The following RNF40 variants were observed in gnomAD, a reference collection of about 807,000 sequenced individuals.
RNF40 encodes the protein E3 ubiquitin-protein ligase BRE1B.
Under a neutral mutation model 123.3 loss-of-function variants are expected in RNF40, and 39 were observed. That is an observed-to-expected ratio of 0.32 (90% CI 0.24 to 0.41). The LOEUF is 0.41. RNF40 is among the 10% of genes least tolerant of loss of function. The pLI is 1.00. For missense variants in RNF40, 1,003 were observed against 1,319.9 expected (o/e 0.76, Z 3.72); for synonymous variants, 538 against 526.0 (o/e 1.02, Z -0.31).
At chr16:30,772,823 T>C (rs2054171153) in intron 19 of RNF40, among the ~76,000 whole-genome samples, 1 of 152,182 alleles carries the variant, frequency 6.6e-6, no homozygotes, top group Non-Finnish European at 1.5e-5. Flanking sequence ...GGTTTTGGGC[T>C]GGAAGAGGTA....
At position 30,763,517 on chromosome 16, in the gene RNF40, G is replaced by T. The variant is rs1367341305; in HGVS notation, c.400G>T (p.Asp134Tyr). Residue 134 changes from aspartate (D) to tyrosine (Y), a missense_variant, in exon 4 of 20, where the codon GAT (aspartate) becomes TAT (tyrosine). Transcript: ENST00000324685. The part of the protein sequence containing the change: ...APGTQEGPTC[D>Y]GTPLPEPGTS... ...TGGGACCCAGGAGGGGCCAACATGT[G>T]ATGGGACTCCTCTCCCAGAGCCGGG... 7.4e-6 allele frequency: 12 copies of T among 1,614,162 alleles called. No individual in the cohort carries two copies. Among genetic ancestry groups the T allele is most frequent in the Non-Finnish European group, 1.0e-5 (12 of 1,180,042 alleles).
chr16:30,763,594 G>T (rs1033932767), intron 4 of RNF40, 35 bp downstream of exon 4: 4 of 1,611,224 alleles, frequency 2.5e-6, no homozygotes, highest in Admixed American at 3.4e-5. Flanking sequence ...GGGAGCTTAA[G>T]TTCTGGGAGA....
Position 30,774,110 on chromosome 16 carries a change from G to C in RNF40, c.3002G>C (p.Ser1001Thr). The C allele has an allele frequency of 1.2e-6, 2 of 1,611,928 alleles. No homozygotes were observed. Among genetic ancestry groups the C allele is most frequent in the Non-Finnish European group, 1.7e-6 (2 of 1,178,400 alleles). Residue 1001 changes from serine to threonine, a missense_variant, in exon 20 of 20, where the codon AGC (serine) becomes ACC (threonine). Coordinates refer to ENST00000324685, the MANE Select transcript of RNF40 (RefSeq NM_014771.4). ...GAHDFHRIYI[S>T] ...CACGACTTCCATCGTATCTACATCA[G>C]CTGAACCTGAAACTCAGGGGACTCT...
In RNF40 at chr16:30,766,122, G is replaced by A. The variant is rs373336746; in HGVS notation, c.994-41G>A. ...GGATGTAAGGGAGGCCTGCTGCCAC[G>A]TCTGGCCCTGCCTCCCATGGCCCTG... On this transcript the variant is annotated intron_variant, in intron 8 of 19. Coordinates refer to ENST00000324685, the MANE Select transcript of RNF40 (RefSeq NM_014771.4). The surrounding 1 kb of genome is among the most constrained non-coding windows in gnomAD (Gnocchi z 5.4). 1.4e-4 allele frequency: 222 copies of A among 1,612,512 alleles called. No individual in the cohort carries two copies. Among genetic ancestry groups the A allele is most frequent in the Middle Eastern group, 1.2e-3 (7 of 6,058 alleles).
intron 17 of RNF40, among the ~76,000 whole-genome samples, chr16:30,770,707 G>A (rs1468609828): frequency 6.6e-6 from 1 of 152,080 alleles, no homozygotes; most frequent in African/African-American, 2.4e-5. Context: ...GTATGTTTGT[G>A]GTTTTTTTGT....
At chr16:30,764,821 T>C in intron 5 of RNF40, 117 bp from the exon 6 acceptor site, 1 of 1,429,536 alleles carries the variant, frequency 7.0e-7, no homozygotes, top group Non-Finnish European at 9.4e-7. Context: ...GGCTTTGTCA[T>C]GAGAAATGGG....
Position 30,766,215 on chromosome 16 carries a change from G to A in RNF40, c.1046G>A (p.Arg349His), listed in dbSNP as rs200311831. The A allele has an allele frequency of 9.1e-5, 147 of 1,614,082 alleles. No individual in the cohort carries two copies. The highest frequency in any genetic ancestry group is 2.0e-4 in the East Asian group (9 of 44,900). The stretch of plus-strand genomic sequence containing the variant: ...GAAAACCAGGAACTGGCCAACAGCC[G>A]TATGGCAGAGCTGGAGAAACTGCAG... ...LEENQELANS[R>H]MAELEKLQAE... is the part of the protein sequence containing the mutation. The change falls in exon 9 of 20, where the codon CGT becomes CAT. Residue 349 changes from arginine to histidine, a missense_variant. Arg to His is a conservative substitution (Grantham distance 29). Around this residue, in one of 11 missense-constraint regions of RNF40, gnomAD observed 274 missense variants for 356.9 expected, o/e 0.77. Coordinates refer to ENST00000324685, the MANE Select transcript of RNF40 (RefSeq NM_014771.4). This position sits in a 1 kb window ranked among gnomAD's most constrained non-coding sequence, Gnocchi z 5.4.
Position 30,763,426 on chromosome 16 carries a change from A to G in RNF40, c.309A>G (p.Glu103=). ...IVNRYWAQLD[E]TVEALLRCHE... ...ATGTTTTCTCCTTCCAGCTGGATGA[A>G]ACTGTGGAAGCCCTTCTCCGATGCC... is the stretch of plus-strand genomic sequence containing the variant. Residue 103 remains glutamate, a synonymous_variant, in exon 4 of 20, where the codon GAA becomes GAG. Coordinates refer to ENST00000324685, the MANE Select transcript of RNF40 (RefSeq NM_014771.4). 1 of 1,605,512 alleles carries G rather than the reference A, an allele frequency of 6.2e-7. No homozygotes were observed. The highest frequency in any genetic ancestry group is 8.5e-7 in the Non-Finnish European group (1 of 1,175,858).
Position 30,769,520 on chromosome 16 carries a change from C to A in RNF40, c.2506C>A (p.Arg836=). 6.2e-7 allele frequency: 1 copy of A among 1,613,110 alleles called. No individual in the cohort carries two copies. The highest frequency in any genetic ancestry group is 1.7e-5 in the Admixed American group (1 of 59,964). ...TGTGCAGAAGCTAGAGGAGAAGGAG[C>A]GAGCCTTGCAGGGCAGCCTCGGGGG... is the stretch of plus-strand genomic sequence containing the variant. The part of the protein sequence containing the change: ...LTVQKLEEKE[R]ALQGSLGGVE... Residue 836 remains arginine (R), a synonymous_variant, in exon 17 of 20, where the codon CGA becomes AGA. Coordinates refer to ENST00000324685, the MANE Select transcript of RNF40 (RefSeq NM_014771.4).
Position 30,768,677 on chromosome 16 carries a change from C to G in RNF40, c.2038C>G (p.Pro680Ala), listed in dbSNP as rs1164211610. 1 of 1,614,192 alleles carries G rather than the reference C, an allele frequency of 6.2e-7. No homozygotes were observed. The highest frequency in any genetic ancestry group is 8.5e-7 in the Non-Finnish European group (1 of 1,180,042). ...KLLLDMYKSA[P>A]KEQRDKVQLM... ...GCTGCTGGATATGTACAAGTCAGCG[C>G]CCAAGGAGCAGCGGGATAAGGTGCA... is the stretch of plus-strand genomic sequence containing the variant. Residue 680 changes from proline to alanine, a missense_variant, in exon 14 of 20, where the codon CCC (proline) becomes GCC (alanine). Pro to Ala is a conservative substitution (Grantham distance 27). Around this residue, in one of 11 missense-constraint regions of RNF40, gnomAD observed 295 missense variants for 331.7 expected, o/e 0.89. Coordinates refer to ENST00000324685, the MANE Select transcript of RNF40 (RefSeq NM_014771.4). The surrounding 1 kb of genome is among the most constrained non-coding windows in gnomAD (Gnocchi z 4.1).
In RNF40 at chr16:30,766,889, G is replaced by C; in HGVS notation, c.1429+13G>C. On this transcript the variant is annotated intron_variant, in intron 11 of 19. Transcript: ENST00000324685. This position sits in a 1 kb window ranked among gnomAD's most constrained non-coding sequence, Gnocchi z 5.4. ...AACGAGCAGGCGGGTATGTGGTGAG[G>C]ATAGGGCGGAGGTGGGGCCTTATCT... The C allele has an allele frequency of 1.2e-6, 2 of 1,611,798 alleles. No individual in the cohort carries two copies. The highest frequency in any genetic ancestry group is 8.5e-7 in the Non-Finnish European group (1 of 1,179,502).
upstream of RNF40, chr16:30,762,274 C>T: frequency 2.3e-6 from 1 of 436,910 alleles, no homozygotes; most frequent in South Asian, 3.8e-5. Flanking sequence ...CCCTGCGCAC[C>T]GTTGGGGGGG....
chr16:30,768,931 C>A lies in RNF40; in HGVS notation c.2191C>A (p.Arg731=). The A allele has an allele frequency of 6.2e-7, 1 of 1,614,156 alleles. No individual in the cohort carries two copies. Among genetic ancestry groups the A allele is most frequent in the South Asian group, 1.1e-5 (1 of 91,090 alleles). ...IADEDALRRI[R]QAEEQIEHLQ... ...GGATGAGGATGCCCTGCGGCGCATT[C>A]GGCAGGCAGAGGAGCAGATAGAACA... is the stretch of plus-strand genomic sequence containing the variant. Residue 731 remains arginine (R), a synonymous_variant, in exon 15 of 20, where the codon CGG becomes AGG. Coordinates refer to ENST00000324685, the MANE Select transcript of RNF40 (RefSeq NM_014771.4). This position sits in a 1 kb window ranked among gnomAD's most constrained non-coding sequence, Gnocchi z 4.1.
upstream of RNF40, chr16:30,761,652 T>C (rs897056156): frequency 6.5e-7 from 1 of 1,535,836 alleles, no homozygotes; most frequent in African/African-American, 1.4e-5. Flanking sequence ...TGCACTGAGC[T>C]GCGATCCTTC....
In RNF40 at chr16:30,765,491, A is replaced by G; in HGVS notation, c.985A>G (p.Met329Val). 1 of 1,614,058 alleles carries G rather than the reference A, an allele frequency of 6.2e-7. No individual in the cohort carries two copies. Among genetic ancestry groups the G allele is most frequent in the Non-Finnish European group, 8.5e-7 (1 of 1,179,996 alleles). ...CCAGGGGGGCCAGATCACACTCAGCATGCAGAAGGTGAGCGGCGTTTTCCT... is the reference window on the plus strand; with the variant it reads ...CCAGGGGGGCCAGATCACACTCAGCGTGCAGAAGGTGAGCGGCGTTTTCCT... ...GFQGGQITLS[M>V]QKFEMLNAEL... Residue 329 changes from methionine to valine, a missense_variant, in exon 8 of 20, where the codon ATG (methionine) becomes GTG (valine). Physicochemically the swap from Met to Val is conservative, Grantham distance 21 (BLOSUM62 1). Transcript: ENST00000324685.
At chr16:30,772,536 C>A (rs1192965803) in intron 19 of RNF40, among the ~76,000 whole-genome samples, 1 of 152,186 alleles carries the variant, frequency 6.6e-6, no homozygotes, top group Admixed American at 6.5e-5. Flanking sequence ...TTCCCCTGGC[C>A]CTGGGGTCAG....
Position 30,766,729 on chromosome 16 carries a change from A to G in RNF40, c.1294-12A>G. The G allele has an allele frequency of 6.2e-7, 1 of 1,613,920 alleles. No homozygotes were observed. Among genetic ancestry groups the G allele is most frequent in the Middle Eastern group, 1.6e-4 (1 of 6,062 alleles). On this transcript the variant is annotated splice_polypyrimidine_tract_variant and intron_variant, in intron 10 of 19. Coordinates refer to ENST00000324685, the MANE Select transcript of RNF40 (RefSeq NM_014771.4). The surrounding 1 kb of genome is among the most constrained non-coding windows in gnomAD (Gnocchi z 5.4). ...GAGGGGCTGTGTGGGTCCTTAACAC[A>G]TCAACCCACAGAGCGACGAGCTGGG... is the stretch of plus-strand genomic sequence containing the variant.
At chr16:30,764,097 T>G (rs2053976001) in intron 4 of RNF40, 82 bp from the exon 5 acceptor site, 1 of 1,130,018 alleles carries the variant, frequency 8.8e-7, no homozygotes, top group South Asian at 1.5e-5. Context: ...CCATGAGTAT[T>G]GAAGGGCTCA....
At position 30,762,819 on chromosome 16, in the gene RNF40, A is replaced by C. The variant is rs1246701528; in HGVS notation, c.132+142A>C. 3 of 1,137,248 alleles carry C rather than the reference A, an allele frequency of 2.6e-6. No individual in the cohort carries two copies. In the East Asian group the frequency reaches 7.2e-5, roughly 27 times the overall value. 70.4% of individuals were successfully genotyped at this position (1,137,248 alleles called of 1,614,324 possible). A position where few individuals can be genotyped will look rare whatever the true frequency, so the allele number is the denominator to read the frequency against. ...GGACCTTGAAAGAAAGGTTAGAAAG[A>C]AGCTCAGAACACGACGCCTGTCTTC... On this transcript the variant is annotated intron_variant, in intron 2 of 19. Coordinates refer to ENST00000324685, the MANE Select transcript of RNF40 (RefSeq NM_014771.4).
Sources: allele counts gnomAD v4.1 joint callset (sites outside exome capture counted in the v4.1 genomes callset), GRCh38; gene constraint gnomAD v4.1.1; regional missense constraint gnomAD v4.1.1; non-coding constraint Gnocchi (gnomAD v3.1); transcripts MANE v1.5; gene names NCBI Gene and HGNC (gene_info 2026-07-23, HGNC 2026-07-21).